The following CARS2 variants were observed in gnomAD, a reference collection of about 807,000 sequenced individuals.
CARS2 encodes cysteinyl-tRNA synthetase 2, mitochondrial.
Under a neutral mutation model 68.8 loss-of-function variants are expected in CARS2, and 52 were observed. That is an observed-to-expected ratio of 0.76 (90% CI 0.61 to 0.95). The LOEUF is 0.95. Among genes scored for constraint, CARS2 ranks in the 40% least tolerant of loss-of-function variants. The pLI, the probability that CARS2 is intolerant of heterozygous loss-of-function variation, is 0.00. For missense variants in CARS2, 780 were observed against 754.2 expected (o/e 1.03, Z -0.40); for synonymous variants, 314 against 303.6 (o/e 1.03, Z -0.36).
intron 7 of CARS2, among the ~76,000 whole-genome samples, chr13:110,669,281 G>A (rs180867188): frequency 2.3e-4 from 35 of 152,230 alleles, no homozygotes; most frequent in Admixed American, 2.2e-3. Context: ...CCTACTCGGC[G>A]CTGAATACTC....
At chr13:110,697,203 T>C (rs923356774) in intron 3 of CARS2, among the ~76,000 whole-genome samples, 2 of 152,226 alleles carry the variant, frequency 1.3e-5, no homozygotes, top group African/African-American at 4.8e-5. Context: ...CAGTGGGGCA[T>C]TTCCAAACAC....
At chr13:110,669,646 G>C (rs948866245) in intron 7 of CARS2, among the ~76,000 whole-genome samples, 1 of 152,170 alleles carries the variant, frequency 6.6e-6, no homozygotes, top group African/African-American at 2.4e-5. Context: ...CCCAGCATGA[G>C]CGACGCAGAA....
chr13:110,686,378 G>A (rs60214583), intron 5 of CARS2, among the ~76,000 whole-genome samples: 1 of 151,722 alleles, frequency 6.6e-6, no homozygotes, highest in Admixed American at 6.6e-5. Context: ...GAGTAGCTGA[G>A]ACTACAGGAG....
chr13:110,651,522 T>C (rs2062213775), intron 9 of CARS2, among the ~76,000 whole-genome samples: 1 of 152,134 alleles, frequency 6.6e-6, no homozygotes, highest in African/African-American at 2.4e-5. Flanking sequence ...CAGGAGAAGC[T>C]TGCGGTGAAC....
At chr13:110,692,196 G>A (rs1490678716) in intron 3 of CARS2, among the ~76,000 whole-genome samples, 1 of 151,480 alleles carries the variant, frequency 6.6e-6, no homozygotes. Context: ...GTGGCCGGGC[G>A]CAGTGGCTCA....
At chr13:110,649,940 T>TTTTTTTTTTTTTTTTG (rs2062158683) in intron 10 of CARS2, among the ~76,000 whole-genome samples, 1 of 145,810 alleles carries the variant, frequency 6.9e-6, no homozygotes, top group Non-Finnish European at 1.5e-5. Flanking sequence ...ACTTTTTTTT[T>TTTTTTTTTTTTTTTTG]TTTTTTTTTT....
chr13:110,705,901 G>A lies in CARS2; in HGVS notation c.193C>T (p.Leu65=). 5.1e-6 allele frequency: 8 copies of A among 1,575,204 alleles called. No individual in the cohort carries two copies. The highest frequency in any genetic ancestry group is 2.3e-5 in the South Asian group (2 of 86,322). The change falls in exon 1 of 15, where the codon CTA becomes TTA. Residue 65 remains leucine (L), a synonymous_variant. Transcript: ENST00000257347. This position sits in a 1 kb window ranked among gnomAD's most constrained non-coding sequence, Gnocchi z 4.0. ...GCGGCTTCGGCGTGCGCCACGATTA[G>A]GGGTTCCTTCCTCCCGGTGAGGCTG... ...YNSLTGRKEP[L]IVAHAEAASW...
rs974815917 is a variant in CARS2 at position 110,653,968 on chromosome 13, C to T, written c.988-2868G>A. On this transcript the variant is annotated intron_variant, in intron 9 of 14. Transcript: ENST00000257347. This position sits in a 1 kb window ranked among gnomAD's most constrained non-coding sequence, Gnocchi z 5.6. Reference sequence around the variant, plus strand: ...CTCCCTGAGAGGCAAAATGTGGCGACGGCAGTGTAAGCTCGTGCTGGAACT... The same window carrying T: ...CTCCCTGAGAGGCAAAATGTGGCGATGGCAGTGTAAGCTCGTGCTGGAACT... Among the ~76,000 whole-genome samples the T allele has an allele frequency of 5.9e-5, 9 of 152,312 alleles. No individual in the cohort carries two copies. Among genetic ancestry groups the T allele is most frequent in the African/African-American group, 9.6e-5 (4 of 41,568 alleles).
chr13:110,676,728 G>A lies in CARS2; in HGVS notation c.785+246C>T, dbSNP rs1401878089. ...GGGTGAGGGAACAGGGCAGCTGCAA[G>A]TGTGAACCAAAAAGCAGCCTCTCCA... On this transcript the variant is annotated intron_variant, in intron 7 of 14. Coordinates refer to ENST00000257347, the MANE Select transcript of CARS2 (RefSeq NM_024537.4). This position sits in a 1 kb window ranked among gnomAD's most constrained non-coding sequence, Gnocchi z 4.0. Among the ~76,000 whole-genome samples, 4 of 152,122 alleles carry A rather than the reference G, an allele frequency of 2.6e-5. No homozygotes were observed. In the East Asian group the frequency reaches 7.7e-4, roughly 29 times the overall value.
At chr13:110,642,018 G>T (rs185551813) in intron 14 of CARS2, among the ~76,000 whole-genome samples, 1 of 152,060 alleles carries the variant, frequency 6.6e-6, no homozygotes, top group Admixed American at 6.5e-5. Context: ...CCTGACCCAC[G>T]TGGAGAAAAC....
In CARS2 at chr13:110,706,027, GC is replaced by G. The variant is rs1319977951; in HGVS notation, c.66del (p.Arg23GlyfsTer43). On this transcript the variant is annotated frameshift_variant, in exon 1 of 15. Coordinates refer to ENST00000257347, the MANE Select transcript of CARS2 (RefSeq NM_024537.4). LOFTEE classifies it high-confidence loss of function. ...CCCGCAGGCCAGTGCCACCCAGCCC[GC>G]CCAAGGCCCAGCGCGGCCTGGAGCA... ...PPLLQAALGL[G>X]RAGWHWPAGR... 5 of 1,406,072 alleles carry G rather than the reference GC, an allele frequency of 3.6e-6. No individual in the cohort carries two copies. 87.1% of individuals were successfully genotyped at this position (1,406,072 alleles called of 1,614,324 possible).
intron 9 of CARS2, among the ~76,000 whole-genome samples, chr13:110,654,574 T>TA (rs1433689401): frequency 6.6e-6 from 1 of 151,220 alleles, no homozygotes. Flanking sequence ...ACACAGCAAA[T>TA]AGACAAACGC....
chr13:110,683,239 G>C (rs976135574), intron 5 of CARS2, 105 bp from the exon 6 acceptor site: 1 of 695,496 alleles, frequency 1.4e-6, no homozygotes, highest in Non-Finnish European at 2.2e-6. Context: ...ACAGAACATA[G>C]CATTTGGCCC....
chr13:110,663,149 G>A, intron 9 of CARS2: 1 of 538,340 alleles, frequency 1.9e-6, no homozygotes, highest in Non-Finnish European at 3.5e-6. Flanking sequence ...TGCACCAAGA[G>A]GGAGACAACA....
chr13:110,649,833 A>G (rs945644193), intron 10 of CARS2, among the ~76,000 whole-genome samples: 1 of 151,538 alleles, frequency 6.6e-6, no homozygotes, highest in Non-Finnish European at 1.5e-5. Context: ...CTAGCCATAC[A>G]CTGGGACCTT....
intron 6 of CARS2, chr13:110,678,129 T>C (rs61971610): frequency 0.093 from 14,176 of 152,438 alleles, 851 homozygotes; most frequent in Middle Eastern, 0.14. Flanking sequence ...CAGAGGCTCA[T>C]TTCTCAGGAA....
intron 8 of CARS2, chr13:110,666,019 A>C: frequency 1.0e-6 from 1 of 985,286 alleles, no homozygotes; most frequent in Admixed American, 6.1e-5. Flanking sequence ...TGCCTGAGAC[A>C]CAGTGTCTCA....
chr13:110,643,976 C>T (rs1887751139), intron 13 of CARS2: 1 of 523,788 alleles, frequency 1.9e-6, no homozygotes, highest in Non-Finnish European at 3.0e-6. Flanking sequence ...GTCGGGGAGC[C>T]CGTCCTGTCC....
Position 110,687,964 on chromosome 13 carries a change from C to A in CARS2, c.448G>T (p.Asp150Tyr). ...CACTTTACCTTCAGGGCTGCCATGT[C>A]CTGCTTGAAGTCTTCCTCATAAAGA... ...ASLYEEDFKQ[D>Y]MAALKVLPPT... The change falls in exon 4 of 15, where the codon GAC becomes TAC. Residue 150 changes from aspartate (D) to tyrosine (Y), a missense_variant. By Grantham distance (160) the Asp-to-Tyr change is radical. Transcript: ENST00000257347. 1.2e-6 allele frequency: 2 copies of A among 1,612,852 alleles called. No homozygotes were observed. The highest frequency in any genetic ancestry group is 1.7e-6 in the Non-Finnish European group (2 of 1,179,576).
Sources: allele counts gnomAD v4.1 joint callset (sites outside exome capture counted in the v4.1 genomes callset), GRCh38; gene constraint gnomAD v4.1.1; non-coding constraint Gnocchi (gnomAD v3.1); transcripts MANE v1.5; gene names NCBI Gene and HGNC (gene_info 2026-07-23, HGNC 2026-07-21).